Variants in CYRIB observed in about 807,000 individuals in gnomAD.
CYRIB encodes CYFIP-related Rac1 interactor B.
A neutral mutation model predicts 44.2 loss-of-function variants in CYRIB; 8 were observed. That is an observed-to-expected ratio of 0.18 (90% CI 0.11 to 0.33). The LOEUF is 0.33. Ranked by LOEUF, CYRIB falls within the 10% of genes least tolerant of loss-of-function variation. The probability of loss-of-function intolerance (pLI) is 1.00; values close to 1 mark genes in which losing one functional copy is unlikely to be tolerated. For synonymous variants in CYRIB, 131 were observed against 127.2 expected (o/e 1.03, Z -0.20); for missense variants, 185 against 382.8 (o/e 0.48, Z 4.31).
chr8:129,940,292 C>T (rs540367824), upstream of CYRIB, among the ~76,000 whole-genome samples: 2 of 152,340 alleles, frequency 1.3e-5, no homozygotes, highest in East Asian at 3.9e-4. Flanking sequence ...CGCCTCTCCC[C>T]TTTGGGTCAG....
chr8:129,974,423 T>A (rs1266028928), intron 1 of CYRIB, among the ~76,000 whole-genome samples: 20 of 152,130 alleles, frequency 1.3e-4, no homozygotes, highest in Admixed American at 1.3e-3. Context: ...TCTGACCAAT[T>A]TTGCCATACT....
chr8:129,960,563 C>T (rs1202507716), intron 2 of CYRIB, among the ~76,000 whole-genome samples: 1 of 149,142 alleles, frequency 6.7e-6, no homozygotes, highest in Non-Finnish European at 1.5e-5. Context: ...AGATCGATCG[C>T]TTAAACCTGG....
At chr8:129,879,042 T>G (rs1382768215) in intron 3 of CYRIB, among the ~76,000 whole-genome samples, 1 of 152,192 alleles carries the variant, frequency 6.6e-6, no homozygotes, top group African/African-American at 2.4e-5. Context: ...ATATAAGTTT[T>G]CCCCAAATAT....
intron 1 of CYRIB, among the ~76,000 whole-genome samples, chr8:129,939,239 T>C (rs1394586449): frequency 1.4e-5 from 2 of 142,412 alleles, no homozygotes; most frequent in African/African-American, 5.3e-5. Context: ...GGAGCCAGGA[T>C]TGGGGAGGGG....
At chr8:129,906,836 G>T (rs1011514151) in intron 1 of CYRIB, among the ~76,000 whole-genome samples, 3 of 152,024 alleles carry the variant, frequency 2.0e-5, no homozygotes, top group African/African-American at 7.2e-5. Context: ...ATGCAGCCAA[G>T]AGACAAGAAA....
At chr8:129,961,199 T>C (rs1465514306) in intron 2 of CYRIB, among the ~76,000 whole-genome samples, 1 of 152,134 alleles carries the variant, frequency 6.6e-6, no homozygotes, top group Non-Finnish European at 1.5e-5. Context: ...AGGAGCCATG[T>C]CAAAGAACCA....
intron 1 of CYRIB, among the ~76,000 whole-genome samples, chr8:129,928,925 T>C (rs1326607269): frequency 6.6e-6 from 1 of 152,170 alleles, no homozygotes; most frequent in African/African-American, 2.4e-5. Context: ...TATGACCCAA[T>C]AATTCTATTC....
chr8:129,949,964 G>A (rs1215697021), intron 2 of CYRIB, among the ~76,000 whole-genome samples: 2 of 152,028 alleles, frequency 1.3e-5, no homozygotes, highest in African/African-American at 4.8e-5. Context: ...TACAATAATA[G>A]GTAGAACTTA....
intron 1 of CYRIB, among the ~76,000 whole-genome samples, chr8:130,010,497 T>C (rs1311585147): frequency 6.6e-6 from 1 of 152,176 alleles, no homozygotes; most frequent in East Asian, 1.9e-4. Flanking sequence ...GTATGGGGTT[T>C]CTGCTCAGTC....
At chr8:129,969,977 G>A (rs765767758) in intron 2 of CYRIB, among the ~76,000 whole-genome samples, 1 of 152,200 alleles carries the variant, frequency 6.6e-6, no homozygotes, top group Non-Finnish European at 1.5e-5. Flanking sequence ...CAAGGTGGAA[G>A]CATGAATCTA....
intron 2 of CYRIB, among the ~76,000 whole-genome samples, chr8:129,897,636 AT>A (rs2068752067): frequency 6.7e-6 from 1 of 150,348 alleles, no homozygotes; most frequent in Non-Finnish European, 1.5e-5. Context: ...TTTATAAGTG[AT>A]TTTCTAGGTA....
intron 1 of CYRIB, among the ~76,000 whole-genome samples, chr8:129,918,333 A>C (rs1302814986): frequency 6.6e-6 from 1 of 152,260 alleles, no homozygotes; most frequent in African/African-American, 2.4e-5. Flanking sequence ...AACCACCCAC[A>C]GACCATGCCT....
At chr8:129,997,140 GGAGGAA>G in intron 1 of CYRIB, among the ~76,000 whole-genome samples, 1 of 144,308 alleles carries the variant, frequency 6.9e-6, no homozygotes, top group Non-Finnish European at 1.5e-5. Context: ...GGAGGAGGAG[GGAGGAA>G]AGGAGGGAGA....
At chr8:130,016,727 C>T (rs1368244203), upstream of CYRIB, 1 of 149,392 alleles carries the variant, frequency 6.7e-6, no homozygotes, top group African/African-American at 2.4e-5. Flanking sequence ...GCGCCGCGCC[C>T]CGGGACCGCC....
intron 2 of CYRIB, among the ~76,000 whole-genome samples, chr8:129,948,146 G>C (rs1156963954): frequency 6.6e-6 from 1 of 152,224 alleles, no homozygotes; most frequent in Non-Finnish European, 1.5e-5. Context: ...AAAAGCTGAT[G>C]TATGACGAAG....
intron 2 of CYRIB, among the ~76,000 whole-genome samples, chr8:129,891,773 G>C (rs182393758): frequency 1.3e-5 from 2 of 152,254 alleles, no homozygotes; most frequent in East Asian, 3.9e-4. Flanking sequence ...CTGAGCTTCT[G>C]GCTATTATTC....
At chr8:129,936,768 G>A (rs377673659) in intron 1 of CYRIB, among the ~76,000 whole-genome samples, 8 of 146,714 alleles carry the variant, frequency 5.5e-5, no homozygotes, top group South Asian at 2.1e-4. Flanking sequence ...GTGCAGTGGC[G>A]AGATCTTGGT....
At chr8:129,922,593 G>A (rs148061241) in intron 1 of CYRIB, among the ~76,000 whole-genome samples, 2,119 of 152,302 alleles carry the variant, frequency 0.014, 45 homozygotes, top group African/African-American at 0.048. Context: ...GCCGGGCGCG[G>A]TGGCTCACGC....
At chr8:129,899,634 G>A (rs1030396969) in intron 2 of CYRIB, among the ~76,000 whole-genome samples, 2 of 152,136 alleles carry the variant, frequency 1.3e-5, no homozygotes, top group Admixed American at 1.3e-4. Context: ...GTTTATTTCA[G>A]AACAGAGCAT....
Sources: allele counts gnomAD v4.1 joint callset (sites outside exome capture counted in the v4.1 genomes callset), GRCh38; gene constraint gnomAD v4.1.1; transcripts MANE v1.5; gene names NCBI Gene and HGNC (gene_info 2026-07-23, HGNC 2026-07-21).